Variants in PARD3B observed in about 807,000 individuals in gnomAD.
PARD3B encodes the protein partitioning defective 3 homolog B.
PARD3B carries 103 observed loss-of-function variants against 130.2 expected under a neutral mutation model. The observed-to-expected ratio is 0.79, with a 90% CI of 0.67 to 0.93. The LOEUF (loss-of-function observed/expected upper bound fraction) is 0.93. PARD3B is among the 40% of genes least tolerant of loss of function. The probability of loss-of-function intolerance (pLI) is 0.00; values close to 1 mark genes in which losing one functional copy is unlikely to be tolerated. For synonymous variants in PARD3B, 583 were observed against 553.2 expected (o/e 1.05, Z -0.76); for missense variants, 1,609 against 1,499.2 (o/e 1.07, Z -1.21).
At chr2:204,779,754 C>T (rs921819155) in intron 2 of PARD3B, among the ~76,000 whole-genome samples, 1 of 152,108 alleles carries the variant, frequency 6.6e-6, no homozygotes, top group African/African-American at 2.4e-5. Flanking sequence ...GGCCAGGTCC[C>T]ACTCCAACAC....
chr2:205,471,670 T>A (rs1209213326), intron 20 of PARD3B, among the ~76,000 whole-genome samples: 1 of 152,180 alleles, frequency 6.6e-6, no homozygotes, highest in Non-Finnish European at 1.5e-5. Flanking sequence ...GCCCTCATTT[T>A]TATTTTCTAA....
chr2:204,644,102 A>G (rs754325042), intron 1 of PARD3B, among the ~76,000 whole-genome samples: 4 of 152,118 alleles, frequency 2.6e-5, no homozygotes, highest in Non-Finnish European at 5.9e-5. Context: ...TTGGTAACAC[A>G]TCTCATCCCA....
At chr2:205,053,925 G>T (rs1699410503) in intron 4 of PARD3B, among the ~76,000 whole-genome samples, 1 of 152,080 alleles carries the variant, frequency 6.6e-6, no homozygotes, top group South Asian at 2.1e-4. Flanking sequence ...CTGACACAGT[G>T]ATTTAATAAT....
chr2:204,795,951 G>T (rs1003265184), intron 2 of PARD3B, among the ~76,000 whole-genome samples: 3 of 151,964 alleles, frequency 2.0e-5, no homozygotes, highest in African/African-American at 7.2e-5. Context: ...AATTTAACAG[G>T]TTTTAACAAG....
At chr2:204,637,215 C>T (rs1417063333) in intron 1 of PARD3B, among the ~76,000 whole-genome samples, 1 of 152,028 alleles carries the variant, frequency 6.6e-6, no homozygotes. Flanking sequence ...TAGGATTTAT[C>T]ATTAATACTG....
At chr2:205,360,861 A>G (rs1294530540) in intron 18 of PARD3B, among the ~76,000 whole-genome samples, 2 of 152,224 alleles carry the variant, frequency 1.3e-5, no homozygotes, top group Non-Finnish European at 2.9e-5. Flanking sequence ...TCTTCTGCAT[A>G]TATGAATCTA....
At chr2:204,831,115 G>A (rs529471345) in intron 2 of PARD3B, among the ~76,000 whole-genome samples, 1 of 152,088 alleles carries the variant, frequency 6.6e-6, no homozygotes, top group East Asian at 1.9e-4. Flanking sequence ...CTTCTTTATT[G>A]CTAAAATTTA....
At position 204,658,313 on chromosome 2, in the gene PARD3B, T is replaced by C. The variant is rs964423152; in HGVS notation, c.121-27868T>C. 4.6e-5 allele frequency among the ~76,000 whole-genome samples: 7 copies of C among 152,212 alleles called. No homozygotes were observed. The South Asian group carries it at 1.4e-3, about 32-fold the overall frequency. ...TAGGATTGAGTACTAGGCATGGAGTTGGTTTATACATTTTCTTCTGTGTTC... is the reference window on the plus strand; with the variant it reads ...TAGGATTGAGTACTAGGCATGGAGTCGGTTTATACATTTTCTTCTGTGTTC... On this transcript the variant is annotated intron_variant, in intron 1 of 22. Transcript: ENST00000406610.
At chr2:205,364,239 A>G (rs1035266318) in intron 18 of PARD3B, among the ~76,000 whole-genome samples, 1 of 152,110 alleles carries the variant, frequency 6.6e-6, no homozygotes, top group African/African-American at 2.4e-5. Flanking sequence ...GAGCTTCAAG[A>G]CTCTGAAGTC....
At chr2:204,754,508 T>A (rs1271766479) in intron 2 of PARD3B, among the ~76,000 whole-genome samples, 1 of 152,182 alleles carries the variant, frequency 6.6e-6, no homozygotes, top group Non-Finnish European at 1.5e-5. Context: ...ACCTGCCTTA[T>A]AAAGTTATTC....
intron 2 of PARD3B, among the ~76,000 whole-genome samples, chr2:204,807,733 A>T (rs913783678): frequency 2.0e-5 from 3 of 152,122 alleles, no homozygotes; most frequent in African/African-American, 4.8e-5. Context: ...TAAGCCAGGC[A>T]TACAAAGTTA....
rs574557658 is a variant in PARD3B at position 205,193,253 on chromosome 2, C to T, written c.2073C>T (p.Phe691=). 6.2e-7 allele frequency: 1 copy of T among 1,613,786 alleles called. No individual in the cohort carries two copies. Among genetic ancestry groups the T allele is most frequent in the Non-Finnish European group, 8.5e-7 (1 of 1,179,684 alleles). The change falls in exon 15 of 23, where the codon TTC becomes TTT. Residue 691 remains phenylalanine (F), a synonymous_variant. Transcript: ENST00000406610. The stretch of plus-strand genomic sequence containing the variant: ...ATTTTCCAGATCAGCACATCAACTT[C>T]AGATCTGTGACACCGGCCAGGCAGC... ...AVYFPDQHIN[F]RSVTPARQPE...
At chr2:205,505,061 TA>T (rs2050301474) in intron 21 of PARD3B, among the ~76,000 whole-genome samples, 1 of 152,132 alleles carries the variant, frequency 6.6e-6, no homozygotes, top group African/African-American at 2.4e-5. Flanking sequence ...TATGCAGCCA[TA>T]AAAAATGATG....
intron 12 of PARD3B, among the ~76,000 whole-genome samples, chr2:205,175,139 C>T (rs1277150964): frequency 6.6e-6 from 1 of 152,090 alleles, no homozygotes; most frequent in African/African-American, 2.4e-5. Context: ...TTTAATTAGG[C>T]TGGTTACTGA....
intron 16 of PARD3B, among the ~76,000 whole-genome samples, chr2:205,285,284 C>CATT (rs1033266067): frequency 3.9e-5 from 6 of 151,974 alleles, no homozygotes; most frequent in African/African-American, 9.7e-5. Context: ...GATTAGCTAT[C>CATT]ATTATTATTA....
intron 1 of PARD3B, among the ~76,000 whole-genome samples, chr2:204,642,578 A>G (rs1048374437): frequency 3.3e-5 from 5 of 152,182 alleles, no homozygotes; most frequent in Admixed American, 6.5e-5. Flanking sequence ...TGTAGCTATC[A>G]CAACATGCAT....
intron 2 of PARD3B, among the ~76,000 whole-genome samples, chr2:204,827,714 T>C (rs1308354999): frequency 6.6e-6 from 1 of 152,224 alleles, no homozygotes. Context: ...CTTCAAAAAA[T>C]GCATGTTAAA....
Position 205,616,158 on chromosome 2 carries a change from C to A in PARD3B, c.*345C>A. On this transcript the variant is annotated 3_prime_UTR_variant, in exon 23 of 23. Coordinates refer to ENST00000406610, the MANE Select transcript of PARD3B (RefSeq NM_001302769.2). ...CTGGGGATCCTCTCTGGCTAGATAA[C>A]CTGTGCTGATGTGCAGACACGTGGA... is the stretch of plus-strand genomic sequence containing the variant. 1 of 243,496 alleles carries A rather than the reference C, an allele frequency of 4.1e-6. No homozygotes were observed. Among genetic ancestry groups the A allele is most frequent in the Non-Finnish European group, 7.9e-6 (1 of 127,206 alleles). 15.1% of individuals were successfully genotyped at this position (243,496 alleles called of 1,614,324 possible).
At chr2:204,932,969 C>G (rs947770990) in intron 2 of PARD3B, among the ~76,000 whole-genome samples, 1 of 152,110 alleles carries the variant, frequency 6.6e-6, no homozygotes. Context: ...ATGTATTATT[C>G]AATTACCCAA....
Sources: gnomAD v4.1 joint callset for allele counts (sites outside exome capture counted in the v4.1 genomes callset) on GRCh38, gnomAD v4.1.1 for gene constraint, MANE v1.5 for transcripts, NCBI Gene and HGNC (gene_info 2026-07-23, HGNC 2026-07-21) for gene names.